Variants in PAPOLA observed in about 807,000 individuals in gnomAD.
PAPOLA encodes the protein polynucleotide adenylyltransferase alpha.
A neutral mutation model predicts 100.6 loss-of-function variants in PAPOLA; 15 were observed. The ratio of observed to expected loss-of-function variants is 0.15; its 90% CI spans 0.10 to 0.23. The LOEUF (loss-of-function observed/expected upper bound fraction) is 0.23, where lower values mean the gene tolerates loss of function less well. PAPOLA is among the 10% of genes least tolerant of loss of function. The pLI, the probability that PAPOLA is intolerant of heterozygous loss-of-function variation, is 1.00. For missense variants in PAPOLA, 533 were observed against 884.2 expected, an observed-to-expected ratio of 0.60 and a Z score of 5.04; for synonymous variants, 293 against 300.0, an observed-to-expected ratio of 0.98 and a Z score of 0.24.
chr14:96,511,753 A>T (rs773278466), intron 1 of PAPOLA, among the ~76,000 whole-genome samples: 5 of 152,200 alleles, frequency 3.3e-5, no homozygotes, highest in Non-Finnish European at 1.5e-5. Flanking sequence ...CAACCTCATA[A>T]ATACTGTACT....
intron 3 of PAPOLA, among the ~76,000 whole-genome samples, chr14:96,523,095 A>G (rs1353626698): frequency 6.6e-6 from 1 of 152,128 alleles, no homozygotes; most frequent in Non-Finnish European, 1.5e-5. Flanking sequence ...TTTACGTACC[A>G]TGTGTTTCTT....
chr14:96,535,363 A>T (rs1899425445), intron 10 of PAPOLA: 9 of 979,888 alleles, frequency 9.2e-6, no homozygotes, highest in Non-Finnish European at 1.1e-5. Flanking sequence ...TGATATACAG[A>T]TTTAAAATTA....
In PAPOLA at chr14:96,565,412, TG is replaced by T; in HGVS notation, c.*363del. On this transcript the variant is annotated 3_prime_UTR_variant, in exon 22 of 22. Transcript: ENST00000216277. Reference sequence around the variant, plus strand: ...CTGGCATAAGAATTACTTATTCTGATGATGCACTTTTATGTATTTTTCATTA... The same window carrying T: ...CTGGCATAAGAATTACTTATTCTGATATGCACTTTTATGTATTTTTCATTA... 3.1e-6 allele frequency: 1 copy of T among 321,314 alleles called. No homozygotes were observed. Among genetic ancestry groups the T allele is most frequent in the Non-Finnish European group, 5.7e-6 (1 of 176,374 alleles). 19.9% of individuals were successfully genotyped at this position (321,314 alleles called of 1,614,324 possible).
intron 21 of PAPOLA, among the ~76,000 whole-genome samples, chr14:96,564,351 A>G (rs1902112987): frequency 6.6e-6 from 1 of 152,100 alleles, no homozygotes; most frequent in African/African-American, 2.4e-5. Flanking sequence ...TACTTTGTGT[A>G]TGTTTGGAAT....
rs112002232 is a variant in PAPOLA at position 96,509,312 on chromosome 14, T to G, written c.8+6712T>G. Among the ~76,000 whole-genome samples, 231 of 152,316 alleles carry G rather than the reference T, an allele frequency of 1.5e-3. 1 individual carries two copies. The highest frequency in any genetic ancestry group is 5.4e-3 in the African/African-American group (225 of 41,550). ...CCAAATTGCCGAGATTACAGGTGGC[T>G]CATGCCACCATGCCTGGCCAGTTGG... On this transcript the variant is annotated intron_variant, in intron 1 of 21. Transcript: ENST00000216277.
intron 19 of PAPOLA, among the ~76,000 whole-genome samples, chr14:96,558,392 T>C (rs866182984): frequency 6.6e-6 from 1 of 152,188 alleles, no homozygotes; most frequent in Non-Finnish European, 1.5e-5. Context: ...GTAAAGTGTA[T>C]TTAAGCATAA....
intron 12 of PAPOLA, among the ~76,000 whole-genome samples, chr14:96,541,167 C>T (rs560327818): frequency 5.9e-5 from 9 of 152,270 alleles, no homozygotes; most frequent in East Asian, 1.9e-4. Flanking sequence ...GGATTACAGG[C>T]GTGAGCCACC....
chr14:96,543,965 G>A (rs1900190370), intron 14 of PAPOLA, among the ~76,000 whole-genome samples, 184 bp from the exon 15 acceptor site: 1 of 152,016 alleles, frequency 6.6e-6, no homozygotes, highest in South Asian at 2.1e-4. Flanking sequence ...TGTTTATGTT[G>A]TAGTAGGAAT....
intron 20 of PAPOLA, chr14:96,562,368 C>T (rs1043663966): frequency 1.3e-5 from 2 of 151,596 alleles, no homozygotes; most frequent in African/African-American, 4.9e-5. Flanking sequence ...CTTTTTTAGA[C>T]ATATTTTCTA....
At chr14:96,541,299 G>GT (rs1899969100) in intron 12 of PAPOLA, among the ~76,000 whole-genome samples, 1 of 152,176 alleles carries the variant, frequency 6.6e-6, no homozygotes, top group Non-Finnish European at 1.5e-5. Flanking sequence ...GTGTTAGAAA[G>GT]TATTAGGAAG....
intron 4 of PAPOLA, 25 bp downstream of exon 4, chr14:96,525,416 GA>G: frequency 1.1e-6 from 1 of 951,374 alleles, no homozygotes; most frequent in Non-Finnish European, 1.6e-6. Context: ...ATTTTTCTTA[GA>G]AAGGGACCCT....
chr14:96,505,232 C>A (rs764759956), intron 1 of PAPOLA, among the ~76,000 whole-genome samples: 40 of 152,188 alleles, frequency 2.6e-4, no homozygotes, highest in Non-Finnish European at 4.4e-4. Context: ...GCAGCCTTAG[C>A]TTCCACCTAC....
Position 96,532,770 on chromosome 14 carries a change from G to A in PAPOLA, c.836+121G>A. ...TTTTAGTTCATGATGTAGTCATGTA[G>A]GCAGCCTTGGAGATCACATTGTGTA... On this transcript the variant is annotated intron_variant, in intron 9 of 21. Transcript: ENST00000216277. 5 of 1,417,212 alleles carry A rather than the reference G, an allele frequency of 3.5e-6. 1 individual carries two copies. Among genetic ancestry groups the A allele is most frequent in the East Asian group, 5.2e-5 (2 of 38,356 alleles). 87.8% of individuals were successfully genotyped at this position (1,417,212 alleles called of 1,614,324 possible). A position where few individuals can be genotyped will look rare whatever the true frequency, so the allele number is the denominator to read the frequency against.
At chr14:96,517,665 A>G (rs927244644) in intron 1 of PAPOLA, among the ~76,000 whole-genome samples, 3 of 152,048 alleles carry the variant, frequency 2.0e-5, no homozygotes, top group Non-Finnish European at 2.9e-5. Context: ...ATGATTGGAA[A>G]ACAGAACATT....
At chr14:96,507,280 G>GTTTTTTGTTTT (rs1413020909) in intron 1 of PAPOLA, among the ~76,000 whole-genome samples, 20 of 80,710 alleles carry the variant, frequency 2.5e-4, no homozygotes, top group African/African-American at 1.0e-3. Context: ...TTGGAAAATA[G>GTTTTTTGTTTT]TTTTTTTTTT....
intron 19 of PAPOLA, among the ~76,000 whole-genome samples, chr14:96,557,542 A>G (rs1334116424): frequency 3.3e-5 from 5 of 150,500 alleles, no homozygotes; most frequent in Non-Finnish European, 7.4e-5. Flanking sequence ...CCCAGAGATG[A>G]CAGTCTAAAA....
chr14:96,530,382 G>A (rs189053834), intron 6 of PAPOLA, among the ~76,000 whole-genome samples: 1 of 134,880 alleles, frequency 7.4e-6, no homozygotes, highest in Admixed American at 7.4e-5. Context: ...ATGTTTGTTT[G>A]TTTTTTTTTT....
intron 3 of PAPOLA, among the ~76,000 whole-genome samples, chr14:96,522,013 G>T (rs1183620012): frequency 1.3e-5 from 2 of 150,884 alleles, no homozygotes; most frequent in Non-Finnish European, 2.9e-5. Flanking sequence ...TGTTGGCCAC[G>T]CTGGTCTTGA....
chr14:96,562,935 T>A, intron 21 of PAPOLA, 42 bp downstream of exon 21: 1 of 1,148,980 alleles, frequency 8.7e-7, no homozygotes, highest in Non-Finnish European at 1.3e-6. Context: ...TAAATGTCCT[T>A]AAGATTAGTG....
Sources: allele counts gnomAD v4.1 joint callset (sites outside exome capture counted in the v4.1 genomes callset), GRCh38; gene constraint gnomAD v4.1.1; transcripts MANE v1.5; gene names NCBI Gene and HGNC (gene_info 2026-07-23, HGNC 2026-07-21).